The following FBXL17 variants were observed in gnomAD, a reference collection of about 807,000 sequenced individuals.
The protein encoded by FBXL17 is F-box and leucine rich repeat protein 17.
FBXL17 carries 22 observed loss-of-function variants against 66.2 expected under a neutral mutation model. That is an observed-to-expected ratio of 0.33 (90% CI 0.24 to 0.47). FBXL17 has a LOEUF of 0.47. FBXL17 is among the 20% of genes least tolerant of loss of function. The pLI is 1.00. For missense variants in FBXL17, 878 were observed against 948.2 expected (o/e 0.93, Z 0.97); for synonymous variants, 474 against 400.5 (o/e 1.18, Z -2.19).
chr5:108,289,211 T>C (rs542056035), intron 4 of FBXL17, among the ~76,000 whole-genome samples: 2 of 152,306 alleles, frequency 1.3e-5, no homozygotes, highest in Non-Finnish European at 2.9e-5. Flanking sequence ...ACCTGGTTCA[T>C]AGTACATGCT....
At chr5:108,063,108 A>C (rs1165923013) in intron 6 of FBXL17, among the ~76,000 whole-genome samples, 1 of 152,150 alleles carries the variant, frequency 6.6e-6, no homozygotes, top group Non-Finnish European at 1.5e-5. Context: ...TTTATACCCA[A>C]GCATGTGTTT....
intron 6 of FBXL17, among the ~76,000 whole-genome samples, chr5:108,091,860 G>C (rs1423585083): frequency 1.3e-5 from 2 of 152,158 alleles, no homozygotes; most frequent in Non-Finnish European, 2.9e-5. Context: ...TTTTTAATAT[G>C]CTGTAATCTT....
intron 4 of FBXL17, among the ~76,000 whole-genome samples, chr5:108,244,144 T>C (rs1201647378): frequency 6.6e-6 from 1 of 152,092 alleles, no homozygotes. Flanking sequence ...TCACACCTTT[T>C]CTCCATTTCC....
At chr5:108,186,401 T>A (rs116174005) in intron 5 of FBXL17, among the ~76,000 whole-genome samples, 154 bp from the exon 6 acceptor site, 3,086 of 152,320 alleles carry the variant, frequency 0.02, 119 homozygotes, top group African/African-American at 0.07. Context: ...GTATATGTAA[T>A]ATTTTATACA....
At chr5:108,260,979 G>GAT (rs1402045686) in intron 4 of FBXL17, among the ~76,000 whole-genome samples, 3 of 152,046 alleles carry the variant, frequency 2.0e-5, no homozygotes, top group Non-Finnish European at 4.4e-5. Context: ...AAATAAACAT[G>GAT]ATATAGCTAA....
intron 5 of FBXL17, among the ~76,000 whole-genome samples, chr5:108,197,289 AC>A (rs1753718357): frequency 6.6e-6 from 1 of 152,234 alleles, no homozygotes; most frequent in South Asian, 2.1e-4. Flanking sequence ...AAAGAAGAAA[AC>A]AAATCAAAGC....
intron 4 of FBXL17, among the ~76,000 whole-genome samples, chr5:108,311,835 A>G (rs771390921): frequency 2.0e-5 from 3 of 152,242 alleles, no homozygotes; most frequent in Non-Finnish European, 2.9e-5. Flanking sequence ...TGAACCAATG[A>G]AAGAGAAGAA....
At chr5:108,159,701 T>C (rs1309562315) in intron 6 of FBXL17, among the ~76,000 whole-genome samples, 1 of 152,210 alleles carries the variant, frequency 6.6e-6, no homozygotes, top group Non-Finnish European at 1.5e-5. Context: ...TATAGCAACC[T>C]GAATAGACTA....
intron 6 of FBXL17, among the ~76,000 whole-genome samples, chr5:108,180,236 G>A (rs2150025738): frequency 6.6e-6 from 1 of 152,108 alleles, no homozygotes; most frequent in Middle Eastern, 3.4e-3. Flanking sequence ...TCTGGTTGGG[G>A]GCAGTGGTTC....
intron 5 of FBXL17, among the ~76,000 whole-genome samples, chr5:108,190,592 A>G (rs1032694541): frequency 6.6e-6 from 1 of 152,200 alleles, no homozygotes; most frequent in African/African-American, 2.4e-5. Context: ...CTGTCTTTTT[A>G]TGTTCCCTAA....
intron 6 of FBXL17, among the ~76,000 whole-genome samples, chr5:108,154,204 G>T (rs1277684270): frequency 6.7e-6 from 1 of 149,320 alleles, no homozygotes; most frequent in Non-Finnish European, 1.5e-5. Flanking sequence ...AGAGAGAGAG[G>T]AGAGAAAGGG....
chr5:108,200,474 T>G (rs904416704), intron 5 of FBXL17, among the ~76,000 whole-genome samples: 2 of 152,008 alleles, frequency 1.3e-5, no homozygotes, highest in Non-Finnish European at 2.9e-5. Context: ...AGAGTATTCC[T>G]GTACTTTGCC....
chr5:108,078,243 A>G (rs1237834251), intron 6 of FBXL17, among the ~76,000 whole-genome samples: 4 of 152,158 alleles, frequency 2.6e-5, no homozygotes, highest in Non-Finnish European at 5.9e-5. Flanking sequence ...ATTCAAGAAG[A>G]TATGAGATGA....
At chr5:108,218,785 T>G (rs1192132768) in intron 5 of FBXL17, among the ~76,000 whole-genome samples, 3 of 152,196 alleles carry the variant, frequency 2.0e-5, no homozygotes, top group Admixed American at 2.0e-4. Flanking sequence ...GTTATTTGTT[T>G]TCTTACTATT....
chr5:108,095,544 C>A (rs1248732553), intron 6 of FBXL17, among the ~76,000 whole-genome samples: 2 of 151,990 alleles, frequency 1.3e-5, no homozygotes, highest in African/African-American at 2.4e-5. Flanking sequence ...AATAAATTAA[C>A]AAAATATTTT....
intron 7 of FBXL17, among the ~76,000 whole-genome samples, chr5:107,992,703 G>A (rs747529922): frequency 1.3e-5 from 2 of 152,074 alleles, no homozygotes; most frequent in African/African-American, 4.8e-5. Flanking sequence ...TAACTTTCAT[G>A]TATCCAACAC....
intron 8 of FBXL17, among the ~76,000 whole-genome samples, chr5:107,867,037 G>A (rs1479415036): frequency 1.3e-5 from 2 of 151,980 alleles, no homozygotes; most frequent in Non-Finnish European, 2.9e-5. Context: ...AATATTTATT[G>A]AGTACATTAA....
intron 7 of FBXL17, among the ~76,000 whole-genome samples, chr5:107,950,088 G>A (rs904682614): frequency 3.9e-5 from 6 of 152,064 alleles, no homozygotes; most frequent in Admixed American, 6.5e-5. Context: ...GAAAGTGTAC[G>A]ATTTCCTGGA....
At chr5:107,969,346 A>G (rs894468454) in intron 7 of FBXL17, among the ~76,000 whole-genome samples, 2 of 152,282 alleles carry the variant, frequency 1.3e-5, no homozygotes, top group South Asian at 4.1e-4. Flanking sequence ...CAAATCTCTG[A>G]AAAATGCAAT....
Sources: gnomAD v4.1 joint callset for allele counts (sites outside exome capture counted in the v4.1 genomes callset) on GRCh38, gnomAD v4.1.1 for gene constraint, MANE v1.5 for transcripts, NCBI Gene and HGNC (gene_info 2026-07-23, HGNC 2026-07-21) for gene names.